Variants in SLC18B1 observed in about 807,000 individuals in gnomAD.
SLC18B1 encodes MFS-type transporter SLC18B1.
In SLC18B1, 62 loss-of-function variants were observed where a neutral mutation model predicts 53.9. The ratio of observed to expected loss-of-function variants is 1.15; its 90% CI spans 0.94 to 1.42. The LOEUF is 1.42. Ranked by LOEUF, SLC18B1 falls within the 40% of genes most tolerant of loss-of-function variation. The pLI, the probability that SLC18B1 is intolerant of heterozygous loss-of-function variation, is 0.00. For synonymous variants in SLC18B1, 217 were observed against 200.9 expected (o/e 1.08, Z -0.68); for missense variants, 598 against 547.3 (o/e 1.09, Z -0.93).
At chr6:132,793,412 A>C (rs967031778) in intron 2 of SLC18B1, among the ~76,000 whole-genome samples, 6 of 152,214 alleles carry the variant, frequency 3.9e-5, no homozygotes, top group Non-Finnish European at 1.5e-5. Flanking sequence ...TCCTGCCTCT[A>C]TCTCCTTTCT....
intron 9 of SLC18B1, among the ~76,000 whole-genome samples, chr6:132,773,863 A>C (rs1781038009): frequency 7.0e-6 from 1 of 143,622 alleles, no homozygotes; most frequent in African/African-American, 3.0e-5. Context: ...TGCCTCAAGG[A>C]AAAAGAAAAG....
At chr6:132,792,450 CTTAATAGTTCTGATAAGTAT>C (rs1781575982) in intron 2 of SLC18B1, among the ~76,000 whole-genome samples, 1 of 151,694 alleles carries the variant, frequency 6.6e-6, no homozygotes, top group African/African-American at 2.4e-5. Flanking sequence ...ATGTTCTTTG[CTTAATAGTTCTGATAAGTAT>C]TTAATTTAGA....
At chr6:132,778,218 T>C (rs1255448160) in intron 7 of SLC18B1, among the ~76,000 whole-genome samples, 5 of 152,182 alleles carry the variant, frequency 3.3e-5, no homozygotes, top group Non-Finnish European at 7.3e-5. Context: ...ATGTCATCTT[T>C]TATGGTTCTT....
intron 8 of SLC18B1, among the ~76,000 whole-genome samples, chr6:132,774,974 T>C (rs1781064457): frequency 1.3e-5 from 2 of 151,994 alleles, no homozygotes; most frequent in South Asian, 4.2e-4. Context: ...CCTAGAAAAA[T>C]CACATTATTA....
At chr6:132,774,679 T>C (rs60133731) in intron 8 of SLC18B1, among the ~76,000 whole-genome samples, 26,060 of 151,966 alleles carry the variant, frequency 0.17, 4,918 homozygotes, top group African/African-American at 0.47. Context: ...GAGGCCGAGG[T>C]GGGAAGATCC....
At chr6:132,796,228 A>C (rs918362256) in intron 2 of SLC18B1, among the ~76,000 whole-genome samples, 6 of 150,522 alleles carry the variant, frequency 4.0e-5, no homozygotes, top group Non-Finnish European at 7.4e-5. Flanking sequence ...AGTGGCGGGT[A>C]CCTGTAGTCC....
chr6:132,791,999 G>A (rs1167806364), intron 2 of SLC18B1, among the ~76,000 whole-genome samples: 1 of 151,766 alleles, frequency 6.6e-6, no homozygotes, highest in African/African-American at 2.4e-5. Flanking sequence ...AAGCTCAGGT[G>A]GGAGGATCAC....
chr6:132,792,284 G>GAAAGAAAGAAAGGAAGGAAGGAAGA (rs1461079612), intron 2 of SLC18B1, among the ~76,000 whole-genome samples: 1 of 37,780 alleles, frequency 2.6e-5, no homozygotes, highest in Non-Finnish European at 4.7e-5. Context: ...AGAAAGAAAG[G>GAAAGAAAGAAAGGAAGGAAGGAAGA]AAGAAAGGAA....
chr6:132,788,828 G>GAAAA (rs1158922120), intron 4 of SLC18B1, among the ~76,000 whole-genome samples: 16 of 70,286 alleles, frequency 2.3e-4, no homozygotes, highest in African/African-American at 6.8e-4. Context: ...ATCTCAAAAA[G>GAAAA]AAAAAAAAAA....
intron 7 of SLC18B1, among the ~76,000 whole-genome samples, chr6:132,778,427 C>T (rs1781149535): frequency 6.6e-6 from 1 of 152,030 alleles, no homozygotes; most frequent in African/African-American, 2.4e-5. Context: ...AAACTGTCTT[C>T]AGTGATTTCA....
At chr6:132,789,073 T>C (rs1439845413) in intron 4 of SLC18B1, among the ~76,000 whole-genome samples, 1 of 152,206 alleles carries the variant, frequency 6.6e-6, no homozygotes, top group Non-Finnish European at 1.5e-5. Context: ...CCCCATGTAC[T>C]TATATAAGCT....
At chr6:132,785,140 T>C (rs528805964) in intron 5 of SLC18B1, among the ~76,000 whole-genome samples, 2 of 151,806 alleles carry the variant, frequency 1.3e-5, no homozygotes, top group East Asian at 1.9e-4. Context: ...TGTGTGTGTG[T>C]GTGTGTGTGT....
rs1781475307 is a variant in SLC18B1 at position 132,789,757 on chromosome 6, G to GA, written c.353+6dup. The GA allele has an allele frequency of 6.2e-7, 1 of 1,604,504 alleles. No individual in the cohort carries two copies. Among genetic ancestry groups the GA allele is most frequent in the Non-Finnish European group, 8.5e-7 (1 of 1,171,814 alleles). ...AAGCTCCCAAATATAATCAGAAAAT[G>GA]ACTTACCCAAAGAGAATTGTAACTC... On this transcript the variant is annotated splice_region_variant and intron_variant, in intron 4 of 13. Coordinates refer to ENST00000275227, the MANE Select transcript of SLC18B1 (RefSeq NM_052831.3).
At chr6:132,775,672 G>A (rs1781081586) in intron 8 of SLC18B1, among the ~76,000 whole-genome samples, 1 of 152,212 alleles carries the variant, frequency 6.6e-6, no homozygotes, top group Non-Finnish European at 1.5e-5. Flanking sequence ...GGTTGAAAGA[G>A]AACAGAAGGG....
rs547820020 is a variant in SLC18B1, at chr6:132,770,848, T to C, written c.1304+42A>G. 2.4e-5 allele frequency: 37 copies of C among 1,559,630 alleles called. No homozygotes were observed. In the African/African-American group the frequency reaches 3.6e-4, roughly 15 times the overall value. On this transcript the variant is annotated intron_variant, in intron 13 of 13. Transcript: ENST00000275227. ...TTATTTATTTTCCACTTGCACTGGCTAACTTTTAAAGAGAGAAAAAAAGCC... is the reference window on the plus strand; with the variant it reads ...TTATTTATTTTCCACTTGCACTGGCCAACTTTTAAAGAGAGAAAAAAAGCC...
At chr6:132,798,374 C>CAATTCA in intron 1 of SLC18B1, 40 bp downstream of exon 1, 2 of 1,504,450 alleles carry the variant, frequency 1.3e-6, no homozygotes. Flanking sequence ...CGGAAGCCGC[C>CAATTCA]GCTGGTCTCC....
At chr6:132,790,401 CTT>C in intron 2 of SLC18B1, 129 bp from the exon 3 acceptor site, 2 of 563,422 alleles carry the variant, frequency 3.5e-6, no homozygotes, top group Non-Finnish European at 5.8e-6. Context: ...AAAGATTATT[CTT>C]TTAAAATAAA....
Position 132,787,577 on chromosome 6 carries a change from A to G in SLC18B1, c.358T>C (p.Leu120=). The stretch of plus-strand genomic sequence containing the variant: ...ACTGGCCCATCTGGAACTCGGTCCA[A>G]TACACTAAAAAGGAATAAGACAATT... ...SGGVTILFGV[L]DRVPDGPVFI... Residue 120 remains leucine, a synonymous_variant, in exon 5 of 14, where the codon TTG becomes CTG. Coordinates refer to ENST00000275227, the MANE Select transcript of SLC18B1 (RefSeq NM_052831.3). The G allele has an allele frequency of 6.4e-7, 1 of 1,570,318 alleles. No homozygotes were observed. Among genetic ancestry groups the G allele is most frequent in the South Asian group, 1.2e-5 (1 of 83,122 alleles).
At chr6:132,770,445 G>C in intron 13 of SLC18B1, 109 bp from the exon 14 acceptor site, 1 of 966,936 alleles carries the variant, frequency 1.0e-6, no homozygotes, top group East Asian at 2.5e-5. Flanking sequence ...TTTTAAAAAA[G>C]TTTCTACTGC....
Sources: allele counts gnomAD v4.1 joint callset (sites outside exome capture counted in the v4.1 genomes callset), GRCh38; gene constraint gnomAD v4.1.1; transcripts MANE v1.5; gene names NCBI Gene and HGNC (gene_info 2026-07-23, HGNC 2026-07-21).